Variants in DNAH1 observed in about 807,000 individuals in gnomAD.
The protein encoded by DNAH1 is dynein axonemal heavy chain 1.
DNAH1 carries 327 observed loss-of-function variants against 484.3 expected under a neutral mutation model. The observed-to-expected ratio is 0.68, with a 90% CI of 0.62 to 0.74. The LOEUF (loss-of-function observed/expected upper bound fraction) is 0.74. DNAH1 is among the 30% of genes least tolerant of loss of function. The pLI, the probability that DNAH1 is intolerant of heterozygous loss-of-function variation, is 0.00. For synonymous variants in DNAH1, 2,192 were observed against 2,191.9 expected (o/e 1.00, Z 0.00); for missense variants, 5,052 against 5,546.8 (o/e 0.91, Z 2.83).
chr3:52,358,425 C>G lies in DNAH1; in HGVS notation c.4087-133C>G, dbSNP rs1702708201. On this transcript the variant is annotated intron_variant, in intron 24 of 77. Transcript: ENST00000420323. The surrounding 1 kb of genome is among the most constrained non-coding windows in gnomAD (Gnocchi z 4.2). ...TGGGAAGGCCCAGCCAAGATAGACTCTCGGGGGGACGGGAAGGCAGGGCTT... is the reference window on the plus strand; with the variant it reads ...TGGGAAGGCCCAGCCAAGATAGACTGTCGGGGGGACGGGAAGGCAGGGCTT... 4 of 1,025,820 alleles carry G rather than the reference C, an allele frequency of 3.9e-6. No individual in the cohort carries two copies. The highest frequency in any genetic ancestry group is 4.2e-6 in the Non-Finnish European group (3 of 722,444). 63.5% of individuals were successfully genotyped at this position (1,025,820 alleles called of 1,614,324 possible).
At position 52,395,459 on chromosome 3, in the gene DNAH1, A is replaced by T. The variant is rs1338847535; in HGVS notation, c.11120A>T (p.Gln3707Leu). 2 of 1,613,902 alleles carry T rather than the reference A, an allele frequency of 1.2e-6. No individual in the cohort carries two copies. The highest frequency in any genetic ancestry group is 4.5e-5 in the East Asian group (2 of 44,882). The change falls in exon 69 of 78, where the codon CAG becomes CTG. Residue 3707 changes from glutamine to leucine, a missense_variant. This residue lies in a region of DNAH1 where 853 missense variants were observed against 899.0 expected (regional missense o/e 0.95). Transcript: ENST00000420323. The surrounding 1 kb of genome is among the most constrained non-coding windows in gnomAD (Gnocchi z 4.4). ...AAGCTCTCTGCCATCTCCCTGGGCC[A>T]GGGGCAGGTCAGGGCTAGGCAGGGA... ...SKKLSAISLG[Q>L]GQGPRAEAMM... is the part of the protein sequence containing the mutation.
At chr3:52,365,360 C>T (rs947961875) in intron 34 of DNAH1, among the ~76,000 whole-genome samples, 1 of 152,228 alleles carries the variant, frequency 6.6e-6, no homozygotes, top group African/African-American at 2.4e-5. Context: ...ATTCCTTGCA[C>T]CCCAGCCCAC....
intron 7 of DNAH1, among the ~76,000 whole-genome samples, chr3:52,331,512 G>A (rs1701549429): frequency 6.6e-6 from 1 of 152,146 alleles, no homozygotes; most frequent in South Asian, 2.1e-4. Flanking sequence ...TGGCATGTCA[G>A]CTCTGAGCCC....
At chr3:52,376,062 T>G in intron 46 of DNAH1, 69 bp downstream of exon 46, 1 of 1,574,828 alleles carries the variant, frequency 6.3e-7, no homozygotes, top group South Asian at 1.2e-5. Flanking sequence ...GTTGGGTGTG[T>G]TGAGGCTGCG....
Position 52,353,702 on chromosome 3 carries a change from G to A in DNAH1, c.3480+69G>A, listed in dbSNP as rs1311473514. ...CCGGACAGCCTGACCTCCTGCTCTG[G>A]CAACCACAGCCACTTGGGAGGATGA... On this transcript the variant is annotated intron_variant, in intron 20 of 77. Transcript: ENST00000420323. This position sits in a 1 kb window ranked among gnomAD's most constrained non-coding sequence, Gnocchi z 5.0. 1 of 1,540,524 alleles carries A rather than the reference G, an allele frequency of 6.5e-7. No homozygotes were observed. The highest frequency in any genetic ancestry group is 2.4e-5 in the East Asian group (1 of 40,862).
intron 75 of DNAH1, 122 bp from the exon 76 acceptor site, chr3:52,398,728 C>G: frequency 1.2e-6 from 1 of 842,818 alleles, no homozygotes; most frequent in South Asian, 2.1e-5. Context: ...CCTGACCCAG[C>G]TCTCTGCTCT....
intron 17 of DNAH1, 95 bp downstream of exon 17, chr3:52,352,198 G>GT: frequency 6.7e-7 from 1 of 1,484,648 alleles, no homozygotes; most frequent in Non-Finnish European, 9.1e-7. Flanking sequence ...CATTCAGGAG[G>GT]TGCTGAGTCA....
In DNAH1 at chr3:52,378,533, G is replaced by A. The variant is rs1578174593; in HGVS notation, c.7199-69G>A. 3.3e-6 allele frequency: 5 copies of A among 1,537,252 alleles called. No individual in the cohort carries two copies. In the South Asian group the frequency reaches 4.7e-5, roughly 14 times the overall value. On this transcript the variant is annotated intron_variant, in intron 46 of 77. Transcript: ENST00000420323. ...GGCACAGCACAGCAAAGGCAAGGAG[G>A]TCAGGACCTGCAGAGGCGGCAGAGG...
rs979616008 is a variant in DNAH1, at chr3:52,368,569, C to T, written c.5766-172C>T. 3.3e-5 allele frequency among the ~76,000 whole-genome samples: 5 copies of T among 152,186 alleles called. No individual in the cohort carries two copies. The highest frequency in any genetic ancestry group is 6.5e-5 in the Admixed American group (1 of 15,284). On this transcript the variant is annotated intron_variant, in intron 36 of 77. Transcript: ENST00000420323. This position sits in a 1 kb window ranked among gnomAD's most constrained non-coding sequence, Gnocchi z 4.4. ...GGGACATAAGCACATGTTTTCATTACACCATGTGACACCAAAAAAATCCCA... is the reference window on the plus strand; with the variant it reads ...GGGACATAAGCACATGTTTTCATTATACCATGTGACACCAAAAAAATCCCA...
intron 6 of DNAH1, 99 bp downstream of exon 6, chr3:52,328,113 C>T (rs560235056): frequency 3.3e-6 from 5 of 1,498,132 alleles, no homozygotes; most frequent in Admixed American, 1.9e-5. Context: ...CCACCGGAGG[C>T]GAGGGGTCTT....
Position 52,389,545 on chromosome 3 carries a change from A to C in DNAH1, c.9580A>C (p.Ile3194Leu), listed in dbSNP as rs1008679340. 6.6e-7 allele frequency: 1 copy of C among 1,511,646 alleles called. No individual in the cohort carries two copies. The highest frequency in any genetic ancestry group is 2.1e-5 in the Admixed American group (1 of 47,276). 93.6% of individuals were successfully genotyped at this position (1,511,646 alleles called of 1,614,324 possible). ...CCCACACACCTCCGAGCCCACGCTA[A>C]TCGGGACGCTGGGGAACCCTGTGAA... Reference protein sequence around the residue: ...NVPHTSEPTLIGTLGNPVKIR... With the variant: ...NVPHTSEPTLLGTLGNPVKIR... Residue 3194 changes from isoleucine to leucine, a missense_variant, in exon 60 of 78, where the codon ATC becomes CTC. By Grantham distance (5) the Ile-to-Leu change is conservative. Coordinates refer to ENST00000420323, the MANE Select transcript of DNAH1 (RefSeq NM_015512.5).
intron 1 of DNAH1, among the ~76,000 whole-genome samples, chr3:52,318,436 C>G (rs905297834): frequency 6.6e-6 from 1 of 152,234 alleles, no homozygotes; most frequent in African/African-American, 2.4e-5. Flanking sequence ...ACGTGGCAGT[C>G]CCATCAGCTA....
chr3:52,345,839 A>G (rs1236058428), intron 10 of DNAH1, 133 bp downstream of exon 10: 8 of 955,158 alleles, frequency 8.4e-6, no homozygotes, highest in African/African-American at 8.3e-5. Flanking sequence ...TGCTTTTCTC[A>G]AAACCTGGCC....
At position 52,384,923 on chromosome 3, in the gene DNAH1, G is replaced by A. The variant is rs1704033166; in HGVS notation, c.8460G>A (p.Gln2820=). The A allele has an allele frequency of 1.2e-6, 2 of 1,613,596 alleles. No homozygotes were observed. Among genetic ancestry groups the A allele is most frequent in the African/African-American group, 1.3e-5 (1 of 74,942 alleles). Residue 2820 remains glutamine (Q), a synonymous_variant, in exon 53 of 78, where the codon CAG becomes CAA. Transcript: ENST00000420323. ...ATATTTTCTCCATCCTCATCGGGCAGAAGAAACTGGAGCTGAAAACTGCCA... is the reference window on the plus strand; with the variant it reads ...ATATTTTCTCCATCCTCATCGGGCAAAAGAAACTGGAGCTGAAAACTGCCA... ...LLHIFSILIG[Q]KKLELKTAKN...
Position 52,361,419 on chromosome 3 carries a change from G to A in DNAH1, c.4874+67G>A. On this transcript the variant is annotated intron_variant, in intron 29 of 77. Transcript: ENST00000420323. The surrounding 1 kb of genome is among the most constrained non-coding windows in gnomAD (Gnocchi z 5.6). Reference sequence around the variant, plus strand: ...GCCTAGCTCTCCTTGGGGAGGGCTAGGTGAGGGCAGTGCCTGAGAGGGGCC... The same window carrying A: ...GCCTAGCTCTCCTTGGGGAGGGCTAAGTGAGGGCAGTGCCTGAGAGGGGCC... 3 of 1,471,864 alleles carry A rather than the reference G, an allele frequency of 2.0e-6. No individual in the cohort carries two copies. Among genetic ancestry groups the A allele is most frequent in the Non-Finnish European group, 2.7e-6 (3 of 1,102,926 alleles). 91.2% of individuals were successfully genotyped at this position (1,471,864 alleles called of 1,614,324 possible).
chr3:52,363,294 T>TA (rs1184640325), intron 32 of DNAH1, 150 bp downstream of exon 32: 22 of 1,079,978 alleles, frequency 2.0e-5, no homozygotes, highest in Non-Finnish European at 2.6e-5. Flanking sequence ...AGATAGGAGT[T>TA]ACATGCCCAT....
chr3:52,369,489 T>C (rs1231837385), intron 37 of DNAH1, among the ~76,000 whole-genome samples: 1 of 152,162 alleles, frequency 6.6e-6, no homozygotes, highest in Non-Finnish European at 1.5e-5. Context: ...TGTGGACCTG[T>C]GTCTATGTGC....
At chr3:52,347,335 G>A (rs1396519934) in intron 11 of DNAH1, among the ~76,000 whole-genome samples, 1 of 152,176 alleles carries the variant, frequency 6.6e-6, no homozygotes, top group Non-Finnish European at 1.5e-5. Flanking sequence ...AGTCAGGGAG[G>A]GGAGGGAGGG....
In DNAH1 at chr3:52,386,724, G is replaced by A; in HGVS notation, c.8874G>A (p.Met2958Ile). ...VKLVIEAVCIMKGIKPKKVPG... is the reference protein window; with the variant it reads ...VKLVIEAVCIIKGIKPKKVPG... ...TGGTCATAGAAGCTGTGTGCATTATGAAAGGCATCAAGCCCAAGAAGGTGC... is the reference window on the plus strand; with the variant it reads ...TGGTCATAGAAGCTGTGTGCATTATAAAAGGCATCAAGCCCAAGAAGGTGC... Residue 2958 changes from methionine to isoleucine, a missense_variant, in exon 56 of 78, where the codon ATG becomes ATA. Physicochemically the swap from Met to Ile is conservative, Grantham distance 10. Transcript: ENST00000420323. 6.3e-7 allele frequency: 1 copy of A among 1,591,916 alleles called. No homozygotes were observed. Among genetic ancestry groups the A allele is most frequent in the South Asian group, 1.1e-5 (1 of 87,116 alleles).
Sources: gnomAD v4.1 joint callset for allele counts (sites outside exome capture counted in the v4.1 genomes callset) on GRCh38, gnomAD v4.1.1 for gene constraint, gnomAD v4.1.1 regional missense constraint, Gnocchi (gnomAD v3.1) non-coding constraint, MANE v1.5 for transcripts, NCBI Gene and HGNC (gene_info 2026-07-23, HGNC 2026-07-21) for gene names.